Variants in E2F8 observed in about 807,000 individuals in gnomAD.
E2F8 encodes transcription factor E2F8.
A neutral mutation model predicts 80.8 loss-of-function variants in E2F8; 35 were observed. The observed-to-expected ratio is 0.43, with a 90% CI of 0.33 to 0.57. The LOEUF (loss-of-function observed/expected upper bound fraction) is 0.57, where lower values mean the gene tolerates loss of function less well. E2F8 is among the 20% of genes least tolerant of loss of function. The pLI is 0.04. For synonymous variants in E2F8, 386 were observed against 395.0 expected (o/e 0.98, Z 0.27); for missense variants, 975 against 1,056.2 (o/e 0.92, Z 1.07).
chr11:19,228,782 G>A (rs1363309530), intron 10 of E2F8, among the ~76,000 whole-genome samples: 2 of 152,178 alleles, frequency 1.3e-5, no homozygotes, highest in Non-Finnish European at 2.9e-5. Flanking sequence ...ATGAGATACT[G>A]TATGTAAAAG....
In E2F8 at chr11:19,225,515, G is replaced by T. The variant is rs747300781; in HGVS notation, c.2127C>A (p.Ala709=). 8.1e-6 allele frequency: 13 copies of T among 1,614,094 alleles called. No homozygotes were observed. The South Asian group carries it at 1.3e-4, about 16-fold the overall frequency. The change falls in exon 12 of 13, where the codon GCC becomes GCA. Residue 709 remains alanine (A), a synonymous_variant. Coordinates refer to ENST00000250024, the MANE Select transcript of E2F8 (RefSeq NM_024680.4). ...GAGCCGGGCTGTTCCCGACAGGTAC[G>T]GCTGCCACGGAAGTTGGTGAGACCA... The part of the protein sequence containing the change: ...KLMVSPTSVA[A]VPVGNSPALA...
At chr11:19,234,686 T>C in intron 5 of E2F8, 58 bp downstream of exon 5, 1 of 1,555,068 alleles carries the variant, frequency 6.4e-7, no homozygotes, top group Non-Finnish European at 8.7e-7. Context: ...CACAGAACCT[T>C]TTCCTTAGAC....
intron 4 of E2F8, 97 bp from the exon 5 acceptor site, chr11:19,235,155 G>A: frequency 9.1e-7 from 1 of 1,097,428 alleles, no homozygotes; most frequent in Non-Finnish European, 1.3e-6. Context: ...GTAGGTCTTG[G>A]ATAATATCAC....
intron 6 of E2F8, 92 bp downstream of exon 6, chr11:19,234,268 C>T: frequency 7.2e-7 from 1 of 1,390,710 alleles, no homozygotes; most frequent in South Asian, 1.4e-5. Context: ...TCTGTTTATG[C>T]ACCTATGTTT....
intron 4 of E2F8, among the ~76,000 whole-genome samples, chr11:19,235,604 G>A (rs1382734497): frequency 1.3e-5 from 2 of 152,002 alleles, no homozygotes; most frequent in East Asian, 1.9e-4. Flanking sequence ...AGCCTAGATC[G>A]CGCCACAGCA....
In E2F8 at chr11:19,229,143, G is replaced by A. The variant is rs931600666; in HGVS notation, c.1893+311C>T. 5.9e-5 allele frequency among the ~76,000 whole-genome samples: 9 copies of A among 152,208 alleles called. No homozygotes were observed. The highest frequency in any genetic ancestry group is 2.2e-4 in the African/African-American group (9 of 41,456). The stretch of plus-strand genomic sequence containing the variant: ...CGTTCATTTGGGGTTACGTCTGCTT[G>A]TAAATTATTTAAGACTTTCATGACA... On this transcript the variant is annotated intron_variant, in intron 10 of 12. Transcript: ENST00000250024. The surrounding 1 kb of genome is among the most constrained non-coding windows in gnomAD (Gnocchi z 4.3).
chr11:19,234,208 A>ATAT, intron 6 of E2F8, 152 bp downstream of exon 6: 1 of 819,972 alleles, frequency 1.2e-6, no homozygotes, highest in South Asian at 2.3e-5. Flanking sequence ...AGCTAAATCA[A>ATAT]TATTATCATG....
rs754611426 is a variant in E2F8 at position 19,230,679 on chromosome 11, G to A, written c.1222C>T (p.Arg408Trp). ...CTGGGCGCAGAATTTATCTTTCTCC[G>A]ATCACTTTCTATACTCTTTACCAAT... ...IKLVKSIESDRRKINSAPSSP... is the reference protein window; with the variant it reads ...IKLVKSIESDWRKINSAPSSP... Residue 408 changes from arginine (R) to tryptophan (W), a missense_variant, in exon 8 of 13, where the codon CGG (arginine) becomes TGG (tryptophan). Coordinates refer to ENST00000250024, the MANE Select transcript of E2F8 (RefSeq NM_024680.4). 9.9e-6 allele frequency: 16 copies of A among 1,613,988 alleles called. No individual in the cohort carries two copies. The highest frequency in any genetic ancestry group is 1.7e-5 in the Admixed American group (1 of 59,996).
At chr11:19,230,944 A>T in intron 7 of E2F8, 110 bp from the exon 8 acceptor site, 2 of 915,598 alleles carry the variant, frequency 2.2e-6, no homozygotes, top group Non-Finnish European at 1.7e-6. Context: ...AGCACCGACC[A>T]TGTGCCTGTC....
Position 19,237,299 on chromosome 11 carries a change from T to G in E2F8, c.451+15A>C. On this transcript the variant is annotated intron_variant, in intron 4 of 12. Transcript: ENST00000250024. ...TTAATTATTAATTCTTTCAGTGAGT[T>G]CTTTGCATACTTACTAAGTTCCTCT... The G allele has an allele frequency of 6.2e-7, 1 of 1,613,480 alleles. No individual in the cohort carries two copies. The highest frequency in any genetic ancestry group is 1.7e-5 in the Admixed American group (1 of 59,974).
At chr11:19,239,550 A>T (rs915284382) in intron 2 of E2F8, among the ~76,000 whole-genome samples, 1 of 152,068 alleles carries the variant, frequency 6.6e-6, no homozygotes, top group Non-Finnish European at 1.5e-5. Context: ...AGCATTTTGC[A>T]GACCCCATAA....
rs1312972303 is a variant in E2F8, at chr11:19,235,737, T to C, written c.452-679A>G. Among the ~76,000 whole-genome samples, 8 of 151,442 alleles carry C rather than the reference T, an allele frequency of 5.3e-5. No individual in the cohort carries two copies. The East Asian group carries it at 1.6e-3, about 29-fold the overall frequency. On this transcript the variant is annotated intron_variant, in intron 4 of 12. Transcript: ENST00000250024. Reference sequence around the variant, plus strand: ...AGCTCACCCCAAAAGAGCTAGCAAGTAGCAAACCAAGTCTTTAAAACTCTA... The same window carrying C: ...AGCTCACCCCAAAAGAGCTAGCAAGCAGCAAACCAAGTCTTTAAAACTCTA...
At chr11:19,227,790 C>T (rs75794567) in intron 10 of E2F8, among the ~76,000 whole-genome samples, 217 of 152,262 alleles carry the variant, frequency 1.4e-3, no homozygotes, top group African/African-American at 5.1e-3. Context: ...CATACTAAAA[C>T]GAAATGGTTA....
intron 4 of E2F8, 86 bp downstream of exon 4, chr11:19,237,228 G>T: frequency 7.8e-7 from 1 of 1,276,044 alleles, no homozygotes. Context: ...TACAAACACT[G>T]GCTAGATGAG....
chr11:19,235,722 A>C (rs114637208), intron 4 of E2F8, among the ~76,000 whole-genome samples: 110 of 152,264 alleles, frequency 7.2e-4, no homozygotes, highest in African/African-American at 2.5e-3. Context: ...AGCTCACCCC[A>C]AAAGAGCTAG....
chr11:19,238,523 G>T (rs973727258), intron 2 of E2F8, among the ~76,000 whole-genome samples: 1 of 152,218 alleles, frequency 6.6e-6, no homozygotes, highest in Non-Finnish European at 1.5e-5. Flanking sequence ...AATGTTAAAT[G>T]ATCAAACTTC....
intron 7 of E2F8, among the ~76,000 whole-genome samples, chr11:19,231,701 A>G (rs1041587258): frequency 6.6e-6 from 1 of 152,202 alleles, no homozygotes; most frequent in South Asian, 2.1e-4. Flanking sequence ...CATAGCAGCA[A>G]TAGTGTTTTA....
At chr11:19,226,719 A>C (rs761134970) in intron 10 of E2F8, among the ~76,000 whole-genome samples, 1 of 152,236 alleles carries the variant, frequency 6.6e-6, no homozygotes, top group Non-Finnish European at 1.5e-5. Context: ...AATGTCTACT[A>C]TCTGGCCCTT....
In E2F8 at chr11:19,237,472, T is replaced by C; in HGVS notation, c.295-2A>G. 1 of 1,612,290 alleles carries C rather than the reference T, an allele frequency of 6.2e-7. No individual in the cohort carries two copies. ...AAATTCATCTCCAGATAAGTGTTCC[T>C]ACAAAGGAAAAGGTAAACAATGTCT... is the stretch of plus-strand genomic sequence containing the variant. On this transcript the variant is annotated splice_acceptor_variant, in intron 3 of 12. Coordinates refer to ENST00000250024, the MANE Select transcript of E2F8 (RefSeq NM_024680.4). LOFTEE classifies it high-confidence loss of function.
Sources: allele counts gnomAD v4.1 joint callset (sites outside exome capture counted in the v4.1 genomes callset), GRCh38; gene constraint gnomAD v4.1.1; non-coding constraint Gnocchi (gnomAD v3.1); transcripts MANE v1.5; gene names NCBI Gene and HGNC (gene_info 2026-07-23, HGNC 2026-07-21).